Variants in OVCH2 observed in about 807,000 individuals in gnomAD.
OVCH2 encodes ovochymase 2.
In OVCH2, 88 loss-of-function variants were observed where a neutral mutation model predicts 73.7. The ratio of observed to expected loss-of-function variants is 1.19; its 90% confidence interval spans 1.01 to 1.43. The LOEUF (loss-of-function observed/expected upper bound fraction) is 1.43, where lower values mean the gene tolerates loss of function less well. Ranked by LOEUF, OVCH2 falls within the 40% of genes most tolerant of loss-of-function variation. The pLI is 0.00. For synonymous variants in OVCH2, 265 were observed against 234.5 expected, an observed-to-expected ratio of 1.13 and a Z score of -1.19; for missense variants, 706 against 674.5, an observed-to-expected ratio of 1.05 and a Z score of -0.52.
At chr11:7,700,204 T>C in intron 7 of OVCH2, 92 bp downstream of exon 7, 1 of 1,275,210 alleles carries the variant, frequency 7.8e-7, no homozygotes, top group Non-Finnish European at 1.1e-6. Context: ...AGCCTGTTGG[T>C]TCAGGTGCTC....
At chr11:7,680,931 CT>C in the OVCH2 span, among the ~76,000 whole-genome samples, 1 of 152,202 alleles carries the variant, frequency 6.6e-6, no homozygotes, top group South Asian at 2.1e-4. Context: ...GAGGAGCCCC[CT>C]GTTCTGATGT....
At chr11:7,691,228 TAGA>T in intron 14 of OVCH2, 38 bp downstream of exon 14, 1 of 1,561,964 alleles carries the variant, frequency 6.4e-7, no homozygotes, top group Non-Finnish European at 8.7e-7. Flanking sequence ...TCACAAGGAT[TAGA>T]ACTGGGAACC....
intron 6 of OVCH2, among the ~76,000 whole-genome samples, 184 bp downstream of exon 6, chr11:7,701,140 C>G (rs1856429760): frequency 6.6e-6 from 1 of 152,158 alleles, no homozygotes; most frequent in Admixed American, 6.5e-5. Flanking sequence ...TTGGATCTAC[C>G]ATTTTTCTCA....
chr11:7,701,516 C>T (rs777292192), intron 5 of OVCH2, 41 bp from the exon 6 acceptor site: 3 of 1,591,694 alleles, frequency 1.9e-6, no homozygotes, highest in Admixed American at 3.5e-5. Flanking sequence ...GGAACTCTTT[C>T]ACCCTTTCTG....
intron 11 of OVCH2, 79 bp from the exon 12 acceptor site, chr11:7,695,267 T>C: frequency 1.4e-6 from 2 of 1,419,900 alleles, no homozygotes; most frequent in South Asian, 1.4e-5. Flanking sequence ...TCCTGTCTCC[T>C]GAAAATGATG....
chr11:7,690,181 C>T (rs1429109524), intron 14 of OVCH2, among the ~76,000 whole-genome samples, 168 bp from the exon 15 acceptor site: 1 of 152,222 alleles, frequency 6.6e-6, no homozygotes, highest in Non-Finnish European at 1.5e-5. Flanking sequence ...TATAACCTGG[C>T]TTTGCCATCT....
At chr11:7,686,643 C>G (rs7124708), downstream of OVCH2, among the ~76,000 whole-genome samples, 17,573 of 152,132 alleles carry the variant, frequency 0.12, 2,557 homozygotes, top group African/African-American at 0.34. Flanking sequence ...TATAAAGAAT[C>G]TGCAGGAAGA....
chr11:7,690,622 C>G (rs542692065), intron 14 of OVCH2, among the ~76,000 whole-genome samples: 7 of 152,120 alleles, frequency 4.6e-5, no homozygotes, highest in Admixed American at 1.3e-4. Context: ...TCATGTTGTC[C>G]TCAGGATCAT....
downstream of OVCH2, among the ~76,000 whole-genome samples, chr11:7,687,122 G>A (rs949479170): frequency 3.3e-5 from 5 of 151,518 alleles, no homozygotes; most frequent in Admixed American, 6.6e-5. Context: ...ATCCACCCCC[G>A]GACCCCAACC....
chr11:7,680,285 G>C, the OVCH2 span, among the ~76,000 whole-genome samples: 5 of 152,242 alleles, frequency 3.3e-5, no homozygotes, highest in Admixed American at 1.3e-4. Flanking sequence ...TTAGAGGACA[G>C]TCAGCCAGTG....
In OVCH2 at chr11:7,696,815, A is replaced by C. The variant is rs1396015185; in HGVS notation, c.926-16T>G. On this transcript the variant is annotated splice_polypyrimidine_tract_variant and intron_variant, in intron 8 of 15. Coordinates refer to ENST00000533663, the MANE Select transcript of OVCH2 (RefSeq NM_198185.7). The stretch of plus-strand genomic sequence containing the variant: ...CTGCACCAGGCTGGGAGGGAAAGCC[A>C]GGAGAGTCAGGGTTAGTTATGCCAG... The C allele has an allele frequency of 6.3e-7, 1 of 1,594,658 alleles. No individual in the cohort carries two copies. The highest frequency in any genetic ancestry group is 1.1e-5 in the South Asian group (1 of 88,084).
At chr11:7,706,143 G>T in intron 1 of OVCH2, 164 bp downstream of exon 1, 1 of 655,810 alleles carries the variant, frequency 1.5e-6, no homozygotes, top group Non-Finnish European at 2.5e-6. Context: ...GTCCTATGCC[G>T]ATTGCAGGAG....
downstream of OVCH2, among the ~76,000 whole-genome samples, chr11:7,685,190 A>G (rs973812270): frequency 2.6e-5 from 4 of 152,238 alleles, no homozygotes; most frequent in South Asian, 4.2e-4. Context: ...AGGGTCCCCC[A>G]GGAGGGCTGG....
intron 11 of OVCH2, among the ~76,000 whole-genome samples, 168 bp from the exon 12 acceptor site, chr11:7,695,356 G>A (rs967254959): frequency 3.9e-5 from 6 of 152,148 alleles, no homozygotes; most frequent in East Asian, 1.9e-4. Context: ...AGGCCCTCTC[G>A]ACTCACTTGG....
chr11:7,704,205 T>C (rs1856493351), intron 2 of OVCH2, among the ~76,000 whole-genome samples: 1 of 152,184 alleles, frequency 6.6e-6, no homozygotes, highest in South Asian at 2.1e-4. Flanking sequence ...GGGGAGCCTT[T>C]CAACACATAC....
chr11:7,691,442 A>C, intron 13 of OVCH2, 42 bp from the exon 14 acceptor site: 1 of 1,576,822 alleles, frequency 6.3e-7, no homozygotes, highest in Non-Finnish European at 8.6e-7. Flanking sequence ...TCAAGCACCC[A>C]GCAGATAGCC....
At chr11:7,699,698 G>C (rs1229261835) in intron 7 of OVCH2, 1 of 152,140 alleles carries the variant, frequency 6.6e-6, no homozygotes, top group Non-Finnish European at 1.5e-5. Flanking sequence ...ACTATACCTG[G>C]ATCTACGCCA....
the OVCH2 span, among the ~76,000 whole-genome samples, chr11:7,680,648 G>A: frequency 2.6e-5 from 4 of 152,158 alleles, no homozygotes; most frequent in Non-Finnish European, 5.9e-5. Context: ...CAAAGAAATG[G>A]ATTTTCCCCT....
At chr11:7,679,153 C>T in the OVCH2 span, among the ~76,000 whole-genome samples, 1 of 152,170 alleles carries the variant, frequency 6.6e-6, no homozygotes, top group African/African-American at 2.4e-5. Context: ...TGAATGCTAC[C>T]TTTTATGACA....
Sources: allele counts gnomAD v4.1 joint callset (sites outside exome capture counted in the v4.1 genomes callset), GRCh38; gene constraint gnomAD v4.1.1; transcripts MANE v1.5; gene names NCBI Gene and HGNC (gene_info 2026-07-23, HGNC 2026-07-21).